Variants in GRIK2 observed in about 807,000 individuals in gnomAD.
GRIK2 encodes glutamate receptor ionotropic, kainate 2.
GRIK2 carries 32 observed loss-of-function variants against 100.3 expected under a neutral mutation model. That is an observed-to-expected ratio of 0.32 (90% confidence interval 0.24 to 0.43). GRIK2 has a LOEUF of 0.43. Among genes scored for constraint, GRIK2 ranks in the 20% least tolerant of loss-of-function variants. The pLI, the probability that GRIK2 is intolerant of heterozygous loss-of-function variation, is 1.00. For synonymous variants in GRIK2, 417 were observed against 389.4 expected (o/e 1.07, Z -0.83); for missense variants, 843 against 1,114.9 (o/e 0.76, Z 3.47).
At chr6:101,555,281 C>G (rs894343302) in intron 2 of GRIK2, among the ~76,000 whole-genome samples, 1 of 152,074 alleles carries the variant, frequency 6.6e-6, no homozygotes, top group South Asian at 2.1e-4. Flanking sequence ...TGTGCTGTGC[C>G]GGGAAGTATA....
chr6:101,589,809 A>G (rs6936552), intron 2 of GRIK2, among the ~76,000 whole-genome samples: 26,473 of 151,924 alleles, frequency 0.17, 2,804 homozygotes, highest in African/African-American at 0.29. Flanking sequence ...CAGCTGATAG[A>G]TTAAATATAT....
intron 10 of GRIK2, among the ~76,000 whole-genome samples, chr6:101,852,366 C>T (rs1784183551): frequency 6.6e-6 from 1 of 152,036 alleles, no homozygotes; most frequent in African/African-American, 2.4e-5. Context: ...AAGTCCTTAA[C>T]CCTCTACACA....
chr6:101,997,401 C>A (rs574147319), intron 14 of GRIK2, among the ~76,000 whole-genome samples: 2 of 151,982 alleles, frequency 1.3e-5, no homozygotes, highest in Non-Finnish European at 2.9e-5. Context: ...TATGCTGGTA[C>A]TTTTAATATG....
chr6:102,022,124 T>C (rs940240399), intron 14 of GRIK2, among the ~76,000 whole-genome samples: 49 of 137,472 alleles, frequency 3.6e-4, no homozygotes, highest in African/African-American at 1.4e-3. Flanking sequence ...TAAATGAGTC[T>C]GTCTATATAA....
At chr6:101,435,312 A>G (rs138592143) in intron 2 of GRIK2, among the ~76,000 whole-genome samples, 2 of 151,846 alleles carry the variant, frequency 1.3e-5, no homozygotes, top group African/African-American at 4.8e-5. Context: ...TCAGGACTCA[A>G]TCTCTGTCCT....
intron 2 of GRIK2, among the ~76,000 whole-genome samples, chr6:101,549,994 C>G (rs1462405673): frequency 6.6e-6 from 1 of 152,188 alleles, no homozygotes; most frequent in East Asian, 1.9e-4. Flanking sequence ...ATCACACCAC[C>G]TCCTTTTGTA....
chr6:101,449,570 A>T (rs184106634), intron 2 of GRIK2, among the ~76,000 whole-genome samples: 2 of 151,888 alleles, frequency 1.3e-5, no homozygotes, highest in East Asian at 3.9e-4. Flanking sequence ...CTTAGGTTTG[A>T]TGAAGAAGTG....
At chr6:101,684,564 G>T (rs1019613615) in intron 6 of GRIK2, among the ~76,000 whole-genome samples, 4 of 152,056 alleles carry the variant, frequency 2.6e-5, no homozygotes, top group East Asian at 1.9e-4. Flanking sequence ...GGGGAGAAAA[G>T]ATTTCTTTTC....
intron 11 of GRIK2, among the ~76,000 whole-genome samples, chr6:101,870,621 T>G (rs764713734): frequency 1.6e-4 from 24 of 151,884 alleles, no homozygotes; most frequent in Non-Finnish European, 3.1e-4. Context: ...CCACCTACCC[T>G]TTTTTTCTTT....
intron 2 of GRIK2, among the ~76,000 whole-genome samples, chr6:101,510,862 T>TA (rs899026197): frequency 7.3e-5 from 11 of 151,542 alleles, no homozygotes; most frequent in South Asian, 2.1e-4. Flanking sequence ...CTGCTATTAC[T>TA]AAAAAAAAGG....
chr6:101,485,388 ATTAACT>A (rs1772765438), intron 2 of GRIK2, among the ~76,000 whole-genome samples: 1 of 152,190 alleles, frequency 6.6e-6, no homozygotes, highest in Non-Finnish European at 1.5e-5. Flanking sequence ...GGCATAATAA[ATTAACT>A]TTAATACTTT....
At chr6:101,505,392 A>G (rs191897045) in intron 2 of GRIK2, among the ~76,000 whole-genome samples, 168 of 152,250 alleles carry the variant, frequency 1.1e-3, no homozygotes, top group Non-Finnish European at 1.4e-3. Context: ...GGAAGCCTGA[A>G]GAGTGTTTTC....
chr6:101,496,226 C>T (rs951952604), intron 2 of GRIK2, among the ~76,000 whole-genome samples: 3 of 152,038 alleles, frequency 2.0e-5, no homozygotes, highest in Middle Eastern at 3.4e-3. Context: ...GGGTTACAGG[C>T]GTGAGCCACC....
chr6:102,030,815 A>C (rs1166984022), intron 14 of GRIK2, among the ~76,000 whole-genome samples: 1 of 150,998 alleles, frequency 6.6e-6, no homozygotes, highest in African/African-American at 2.4e-5. Context: ...AATTGTATCT[A>C]ATATGGCATT....
At chr6:101,852,304 C>T (rs1398209600) in intron 10 of GRIK2, among the ~76,000 whole-genome samples, 2 of 152,012 alleles carry the variant, frequency 1.3e-5, no homozygotes, top group African/African-American at 2.4e-5. Flanking sequence ...TTCCACCAAC[C>T]CTGTATTCTC....
At chr6:102,018,207 CT>C (rs1769223758) in intron 14 of GRIK2, among the ~76,000 whole-genome samples, 1 of 152,074 alleles carries the variant, frequency 6.6e-6, no homozygotes, top group East Asian at 1.9e-4. Flanking sequence ...AGATCTCAGG[CT>C]TTTGGTGAGC....
intron 11 of GRIK2, chr6:101,860,868 G>A (rs751755457): frequency 1.3e-5 from 8 of 606,870 alleles, no homozygotes; most frequent in African/African-American, 2.0e-5. Flanking sequence ...TAGGGGCTTT[G>A]GATTTATTTT....
At chr6:101,588,213 A>G (rs1455376407) in intron 2 of GRIK2, among the ~76,000 whole-genome samples, 4 of 152,122 alleles carry the variant, frequency 2.6e-5, no homozygotes, top group Admixed American at 6.6e-5. Context: ...GAGGAATTAA[A>G]CAATTGATCA....
intron 14 of GRIK2, among the ~76,000 whole-genome samples, chr6:101,975,599 GAAA>G (rs1229900163): frequency 1.3e-5 from 2 of 151,810 alleles, no homozygotes; most frequent in Admixed American, 1.3e-4. Flanking sequence ...GGTAAGTGAG[GAAA>G]AACTGGACTT....
Sources: allele counts gnomAD v4.1 joint callset (sites outside exome capture counted in the v4.1 genomes callset), GRCh38; gene constraint gnomAD v4.1.1; transcripts MANE v1.5; gene names NCBI Gene and HGNC (gene_info 2026-07-23, HGNC 2026-07-21).